DCTN4: variants seen among roughly 807,000 people sequenced by gnomAD.
DCTN4 encodes dynactin subunit 4.
Under a neutral mutation model 62.7 loss-of-function variants are expected in DCTN4, and 23 were observed. The ratio of observed to expected loss-of-function variants is 0.37; its 90% confidence interval spans 0.26 to 0.52. The LOEUF (loss-of-function observed/expected upper bound fraction) is 0.52. Among genes scored for constraint, DCTN4 ranks in the 20% least tolerant of loss-of-function variants. The probability of loss-of-function intolerance (pLI) is 0.92; values close to 1 mark genes in which losing one functional copy is unlikely to be tolerated. For missense variants in DCTN4, 514 were observed against 580.4 expected (o/e 0.89, Z 1.18); for synonymous variants, 199 against 202.1 (o/e 0.98, Z 0.13).
intron 3 of DCTN4, among the ~76,000 whole-genome samples, chr5:150,746,328 G>C (rs184320299): frequency 6.6e-5 from 10 of 152,310 alleles, no homozygotes; most frequent in Admixed American, 5.9e-4. Flanking sequence ...TCCAGGACCA[G>C]ATGGAATCAT....
In DCTN4 at chr5:150,758,113, C is replaced by A; in HGVS notation, c.135+746G>T. The A allele has an allele frequency of 3.0e-6, 3 of 985,546 alleles. No individual in the cohort carries two copies. The South Asian group carries it at 1.4e-4, about 46-fold the overall frequency. The allele number at this position is 985,546 out of a possible 1,614,324, so 61.1% of individuals were successfully genotyped here. Reference sequence around the variant, plus strand: ...TAAACAGCGCATTTTATGTCTTACTCGCCTTTTAATCCCTAAAGCTTACTG... The same window carrying A: ...TAAACAGCGCATTTTATGTCTTACTAGCCTTTTAATCCCTAAAGCTTACTG... On this transcript the variant is annotated intron_variant, in intron 1 of 12. Coordinates refer to ENST00000447998, the MANE Select transcript of DCTN4 (RefSeq NM_016221.4).
chr5:150,715,515 A>T, intron 12 of DCTN4, 50 bp downstream of exon 12: 1 of 1,414,098 alleles, frequency 7.1e-7, no homozygotes, highest in Non-Finnish European at 9.9e-7. Context: ...ATAAGTGGGC[A>T]TTCTATTATC....
intron 9 of DCTN4, among the ~76,000 whole-genome samples, chr5:150,720,853 C>T (rs997641759): frequency 3.9e-5 from 6 of 152,174 alleles, no homozygotes; most frequent in African/African-American, 1.4e-4. Flanking sequence ...TCAAAGCAAG[C>T]TTAAGAAATT....
At chr5:150,748,050 G>C (rs886921675) in intron 3 of DCTN4, among the ~76,000 whole-genome samples, 2 of 150,782 alleles carry the variant, frequency 1.3e-5, no homozygotes, top group African/African-American at 2.5e-5. Context: ...ATCTGACAAA[G>C]GGCTAAGATC....
Position 150,758,957 on chromosome 5 carries a change from G to C in DCTN4, c.37C>G (p.Leu13Val). 1.9e-6 allele frequency: 3 copies of C among 1,614,136 alleles called. No individual in the cohort carries two copies. In the Middle Eastern group the frequency reaches 5.0e-4, roughly 266 times the overall value. ...CGAACCTTCTTTTCTCCCTGGACTA[G>C]ATAGAGAACCCGGTCCGACTGCAGC... Reference protein sequence around the residue: ...SLLQSDRVLYLVQGEKKVRAP... With the variant: ...SLLQSDRVLYVVQGEKKVRAP... Residue 13 changes from leucine (L) to valine (V), a missense_variant, in exon 1 of 13, where the codon CTA becomes GTA. Physicochemically the swap from Leu to Val is conservative, Grantham distance 32. Coordinates refer to ENST00000447998, the MANE Select transcript of DCTN4 (RefSeq NM_016221.4).
Position 150,722,820 on chromosome 5 carries a change from A to C in DCTN4, c.908+87T>G, listed in dbSNP as rs531584463. The C allele has an allele frequency of 4.3e-6, 4 of 941,160 alleles. No individual in the cohort carries two copies. The East Asian group carries it at 1.1e-4, about 26-fold the overall frequency. The allele number at this position is 941,160 out of a possible 1,614,324, so 58.3% of individuals were successfully genotyped here. ...ATGTAATTTTTTTTTTTTTAGGCCA[A>C]GAGTAAACACACTTCATACTGGGGA... On this transcript the variant is annotated intron_variant, in intron 9 of 12. Transcript: ENST00000447998.
intron 3 of DCTN4, among the ~76,000 whole-genome samples, chr5:150,745,361 T>C (rs1456524924): frequency 6.6e-6 from 1 of 151,716 alleles, no homozygotes; most frequent in African/African-American, 2.4e-5. Context: ...AACACCCCAC[T>C]GTCAACATTA....
chr5:150,741,787 T>C (rs1760779699), intron 4 of DCTN4, among the ~76,000 whole-genome samples: 1 of 152,214 alleles, frequency 6.6e-6, no homozygotes, highest in Non-Finnish European at 1.5e-5. Context: ...TGGCTGTTTA[T>C]GATATTTCTA....
At chr5:150,748,945 A>AAAAAAAAG (rs1279452826) in intron 3 of DCTN4, among the ~76,000 whole-genome samples, 1 of 151,990 alleles carries the variant, frequency 6.6e-6, no homozygotes, top group African/African-American at 2.4e-5. Flanking sequence ...AATAATAAGA[A>AAAAAAAAG]AAAAAAAGAA....
intron 11 of DCTN4, among the ~76,000 whole-genome samples, chr5:150,716,879 ACTGCACTCCAG>A (rs1342587832): frequency 6.6e-6 from 1 of 151,688 alleles, no homozygotes; most frequent in Non-Finnish European, 1.5e-5. Context: ...AGACTGCGCC[ACTGCACTCCAG>A]CCTGGCGACC....
intron 10 of DCTN4, among the ~76,000 whole-genome samples, chr5:150,719,261 T>TA (rs1479048572): frequency 1.3e-5 from 2 of 152,186 alleles, no homozygotes; most frequent in Non-Finnish European, 2.9e-5. Flanking sequence ...AAAGAAGAGT[T>TA]AAAGAGTTTG....
intron 12 of DCTN4, among the ~76,000 whole-genome samples, chr5:150,713,057 A>T (rs189174106): frequency 1.2e-4 from 19 of 152,364 alleles, no homozygotes; most frequent in Non-Finnish European, 2.6e-4. Context: ...TTGAGGACCC[A>T]CATAAAGCAA....
In DCTN4 at chr5:150,758,916, T is replaced by C. The variant is rs1460067769; in HGVS notation, c.78A>G (p.Gln26=). Residue 26 remains glutamine (Q), a synonymous_variant, in exon 1 of 13, where the codon CAA becomes CAG. Transcript: ENST00000447998. ...CGCTACAATAGCGGCAGAAGTAGAG[T>C]TGCGAGAGCGGGGCCCGAACCTTCT... ...GEKKVRAPLS[Q]LYFCRYCSEL... The C allele has an allele frequency of 1.2e-6, 2 of 1,613,328 alleles. No homozygotes were observed. Among genetic ancestry groups the C allele is most frequent in the Non-Finnish European group, 1.7e-6 (2 of 1,179,852 alleles).
intron 3 of DCTN4, among the ~76,000 whole-genome samples, chr5:150,750,262 A>G (rs1362817594): frequency 6.6e-6 from 1 of 152,224 alleles, no homozygotes; most frequent in Non-Finnish European, 1.5e-5. Flanking sequence ...AAAGGGAAAA[A>G]TAAAAGTATA....
chr5:150,756,630 C>T, intron 1 of DCTN4, 143 bp from the exon 2 acceptor site: 1 of 351,926 alleles, frequency 2.8e-6, no homozygotes, highest in Non-Finnish European at 4.7e-6. Flanking sequence ...TATTCTTCTT[C>T]AGTCACCTGT....
intron 8 of DCTN4, 70 bp downstream of exon 8, chr5:150,730,557 TAGTC>T: frequency 2.3e-6 from 3 of 1,305,242 alleles, no homozygotes; most frequent in Non-Finnish European, 3.3e-6. Context: ...GTTTTGACAT[TAGTC>T]AGACACCAGC....
chr5:150,712,003 G>C (rs1042068093), intron 12 of DCTN4, among the ~76,000 whole-genome samples: 6 of 152,028 alleles, frequency 3.9e-5, no homozygotes, highest in African/African-American at 1.5e-4. Context: ...ACCATAATTG[G>C]CATATACTGA....
At chr5:150,720,727 C>T (rs1759929183) in intron 9 of DCTN4, among the ~76,000 whole-genome samples, 1 of 152,172 alleles carries the variant, frequency 6.6e-6, no homozygotes, top group African/African-American at 2.4e-5. Context: ...GATCCTCCTG[C>T]CTTGGCCTCC....
chr5:150,738,611 G>A (rs1029614844), intron 4 of DCTN4, among the ~76,000 whole-genome samples: 12 of 152,022 alleles, frequency 7.9e-5, no homozygotes, highest in African/African-American at 2.7e-4. Context: ...GAAGGAACAT[G>A]CCTTAAGTAA....
Sources: gnomAD v4.1 joint callset for allele counts (sites outside exome capture counted in the v4.1 genomes callset) on GRCh38, gnomAD v4.1.1 for gene constraint, MANE v1.5 for transcripts, NCBI Gene and HGNC (gene_info 2026-07-23, HGNC 2026-07-21) for gene names.